KIAA1549L: variants seen among roughly 807,000 people sequenced by gnomAD.
KIAA1549L encodes KIAA1549 like, also known as UPF0606 protein KIAA1549L.
KIAA1549L carries 88 observed loss-of-function variants against 160.7 expected under a neutral mutation model. The observed-to-expected ratio is 0.55, with a 90% CI of 0.46 to 0.65. The LOEUF (loss-of-function observed/expected upper bound fraction) is 0.65. Among genes scored for constraint, KIAA1549L ranks in the 30% least tolerant of loss-of-function variants. KIAA1549L has a pLI of 0.00. For synonymous variants in KIAA1549L, 950 were observed against 976.7 expected (o/e 0.97, Z 0.51); for missense variants, 2,258 against 2,437.5 (o/e 0.93, Z 1.55).
chr11:33,559,634 C>T, intron 6 of KIAA1549L, 115 bp from the exon 7 acceptor site: 1 of 763,812 alleles, frequency 1.3e-6, no homozygotes. Flanking sequence ...TTCCCTGACC[C>T]CCTTTCATTC....
At chr11:33,598,190 TTG>T (rs57343190) in intron 12 of KIAA1549L, among the ~76,000 whole-genome samples, 9,214 of 134,844 alleles carry the variant, frequency 0.068, 297 homozygotes, top group African/African-American at 0.093. Flanking sequence ...GAGAGAATGT[TTG>T]TGTGTGTGTG....
At chr11:33,643,726 TA>T (rs1194089032) in intron 16 of KIAA1549L, among the ~76,000 whole-genome samples, 5 of 152,236 alleles carry the variant, frequency 3.3e-5, no homozygotes, top group African/African-American at 1.2e-4. Context: ...TAACTTTAGA[TA>T]AGTCACCTCC....
chr11:33,552,271 G>A (rs1854488798), intron 6 of KIAA1549L, 30 bp downstream of exon 6: 2 of 1,583,936 alleles, frequency 1.3e-6, no homozygotes, highest in Non-Finnish European at 1.7e-6. Flanking sequence ...AGGCTGTGTA[G>A]TTGACAGACA....
At chr11:33,465,495 G>A (rs1323842174) in intron 1 of KIAA1549L, among the ~76,000 whole-genome samples, 1 of 152,162 alleles carries the variant, frequency 6.6e-6, no homozygotes, top group East Asian at 1.9e-4. Context: ...CAGTTTTACA[G>A]CCTCCTGTAG....
At chr11:33,541,720 C>T (rs1201192124) in intron 1 of KIAA1549L, 82 bp from the exon 2 acceptor site, 1 of 192,448 alleles carries the variant, frequency 5.2e-6, no homozygotes, top group Middle Eastern at 2.3e-3. Context: ...CTGTCTTGCA[C>T]ACACCTTTGT....
intron 4 of KIAA1549L, 96 bp downstream of exon 4, chr11:33,547,975 A>G (rs1854322818): frequency 1.3e-6 from 1 of 781,198 alleles, no homozygotes; most frequent in African/African-American, 1.7e-5. Context: ...TAGGGATCAT[A>G]ACAACACTGG....
chr11:33,466,689 T>C (rs1268766485), intron 1 of KIAA1549L, among the ~76,000 whole-genome samples: 3 of 152,140 alleles, frequency 2.0e-5, no homozygotes, highest in African/African-American at 7.2e-5. Flanking sequence ...TGCGACACTG[T>C]TCACAATAGC....
intron 16 of KIAA1549L, among the ~76,000 whole-genome samples, chr11:33,637,623 G>C (rs539852182): frequency 1.3e-5 from 2 of 152,224 alleles, no homozygotes; most frequent in African/African-American, 4.8e-5. Flanking sequence ...CTAGATCAAA[G>C]TGTTGGTAGG....
At chr11:33,523,729 T>C (rs1021932211) in intron 1 of KIAA1549L, among the ~76,000 whole-genome samples, 24 of 152,228 alleles carry the variant, frequency 1.6e-4, no homozygotes, top group African/African-American at 5.8e-4. Flanking sequence ...TATGTGCTTA[T>C]GTTGACTGTT....
Position 33,544,306 on chromosome 11 carries a change from C to T in KIAA1549L, c.2743C>T (p.Arg915Trp), listed in dbSNP as rs776064386. 8.1e-6 allele frequency: 13 copies of T among 1,613,832 alleles called. No individual in the cohort carries two copies. In the Admixed American group the frequency reaches 1.2e-4, roughly 14 times the overall value. Residue 915 changes from arginine (R) to tryptophan (W), a missense_variant, in exon 2 of 21, where the codon CGG (arginine) becomes TGG (tryptophan). Arg to Trp is a moderately radical substitution (Grantham distance 101, BLOSUM62 -3). This residue lies in a region of KIAA1549L where 41 missense variants were observed against 79.8 expected (regional missense o/e 0.51). Coordinates refer to ENST00000658780, the MANE Select transcript of KIAA1549L (RefSeq NM_012194.3). ...TCCCAGGACCTCCTCCAGAGTGCTG[C>T]GGGCTTCTCAGCACCCCAAGAAATG... ...VFPRTSSRVLRASQHPKKWTA... is the reference protein window; with the variant it reads ...VFPRTSSRVLWASQHPKKWTA...
At position 33,585,477 on chromosome 11, in the gene KIAA1549L, C is replaced by T. The variant is rs531289831; in HGVS notation, c.4566+1976C>T. 5.3e-5 allele frequency among the ~76,000 whole-genome samples: 8 copies of T among 152,040 alleles called. No homozygotes were observed. The East Asian group carries it at 9.7e-4, about 18-fold the overall frequency. On this transcript the variant is annotated intron_variant, in intron 11 of 20. Coordinates refer to ENST00000658780, the MANE Select transcript of KIAA1549L (RefSeq NM_012194.3). ...AGGTTGCAGTGACCCAAGATCACACCGTTGCACTCTAGCCTGGGCAACAAG... is the reference window on the plus strand; with the variant it reads ...AGGTTGCAGTGACCCAAGATCACACTGTTGCACTCTAGCCTGGGCAACAAG...
chr11:33,555,412 A>T (rs191451751), intron 6 of KIAA1549L, among the ~76,000 whole-genome samples: 1 of 152,230 alleles, frequency 6.6e-6, no homozygotes, highest in Non-Finnish European at 1.5e-5. Context: ...TTCAAAACTT[A>T]CTACAAAGCT....
intron 16 of KIAA1549L, among the ~76,000 whole-genome samples, chr11:33,625,766 A>G (rs1462158380): frequency 1.3e-5 from 2 of 152,180 alleles, no homozygotes; most frequent in African/African-American, 4.8e-5. Context: ...TAGTTTAATT[A>G]GATCCCATTT....
At chr11:33,633,574 C>T (rs1752571636) in intron 16 of KIAA1549L, among the ~76,000 whole-genome samples, 1 of 152,080 alleles carries the variant, frequency 6.6e-6, no homozygotes, top group Non-Finnish European at 1.5e-5. Context: ...GTCCTCGCTC[C>T]CTGCAGTGCC....
At position 33,673,637 on chromosome 11, in the gene KIAA1549L, T is replaced by G. The variant is rs1377284421; in HGVS notation, c.*5483T>G. 1.3e-5 allele frequency: 2 copies of G among 152,252 alleles called. No individual in the cohort carries two copies. Among genetic ancestry groups the G allele is most frequent in the Non-Finnish European group, 2.9e-5 (2 of 68,052 alleles). The allele number at this position is 152,252 out of a possible 1,614,324, so 9.4% of individuals were successfully genotyped here. A position where few individuals can be genotyped will look rare whatever the true frequency, so the allele number is the denominator to read the frequency against. On this transcript the variant is annotated 3_prime_UTR_variant, in exon 21 of 21. Coordinates refer to ENST00000658780, the MANE Select transcript of KIAA1549L (RefSeq NM_012194.3). Reference sequence around the variant, plus strand: ...ATCTGAAAATGGCTTGACAAGCACTTGAAGCCATTCTTACTAAATTATTAG... The same window carrying G: ...ATCTGAAAATGGCTTGACAAGCACTGGAAGCCATTCTTACTAAATTATTAG...
intron 1 of KIAA1549L, among the ~76,000 whole-genome samples, chr11:33,413,678 AATT>A (rs1255913839): frequency 9.9e-5 from 15 of 152,184 alleles, no homozygotes; most frequent in African/African-American, 3.4e-4. Flanking sequence ...TTTTTGGATA[AATT>A]ATTATTTGTT....
intron 20 of KIAA1549L, among the ~76,000 whole-genome samples, chr11:33,664,343 G>A (rs540744567): frequency 5.2e-4 from 3 of 5,816 alleles, no homozygotes; most frequent in African/African-American, 8.1e-4. Context: ...ACACCCATCC[G>A]TGGCTCCCAG....
At chr11:33,403,927 C>T (rs981365714) in intron 1 of KIAA1549L, among the ~76,000 whole-genome samples, 1 of 152,130 alleles carries the variant, frequency 6.6e-6, no homozygotes, top group East Asian at 1.9e-4. Context: ...TCTAAGCATT[C>T]GGCTTTCCAA....
intron 1 of KIAA1549L, among the ~76,000 whole-genome samples, chr11:33,435,759 G>GAGATATATATATATATATAT (rs1429879805): frequency 6.7e-5 from 1 of 14,992 alleles, no homozygotes; most frequent in South Asian, 2.5e-3. Flanking sequence ...GAACCAATAA[G>GAGATATATATATATATATAT]ATATATATAT....
Sources: gnomAD v4.1 joint callset for allele counts (sites outside exome capture counted in the v4.1 genomes callset) on GRCh38, gnomAD v4.1.1 for gene constraint, gnomAD v4.1.1 regional missense constraint, MANE v1.5 for transcripts, NCBI Gene and HGNC (gene_info 2026-07-23, HGNC 2026-07-21) for gene names.